The following UBTD1 variants were observed in gnomAD, a reference collection of about 807,000 sequenced individuals.
The protein encoded by UBTD1 is ubiquitin domain-containing protein 1.
In UBTD1, 19 loss-of-function variants were observed where a neutral mutation model predicts 21.7. The observed-to-expected ratio is 0.87, with a 90% CI of 0.61 to 1.28. The LOEUF (loss-of-function observed/expected upper bound fraction) is 1.28. Ranked by LOEUF, UBTD1 falls within the 50% of genes most tolerant of loss-of-function variation. The probability of loss-of-function intolerance (pLI) is 0.00; values close to 1 mark genes in which losing one functional copy is unlikely to be tolerated. For missense variants in UBTD1, 282 were observed against 315.1 expected, an observed-to-expected ratio of 0.89 and a Z score of 0.80; for synonymous variants, 116 against 135.1, an observed-to-expected ratio of 0.86 and a Z score of 0.98.
intron 1 of UBTD1, among the ~76,000 whole-genome samples, chr10:97,536,048 A>G (rs2040559935): frequency 6.7e-6 from 1 of 149,728 alleles, no homozygotes; most frequent in Non-Finnish European, 1.5e-5. Context: ...GCTGGAGTGC[A>G]GTGGTGCGAT....
intron 1 of UBTD1, among the ~76,000 whole-genome samples, chr10:97,514,429 C>G (rs1311548585): frequency 1.3e-4 from 20 of 152,212 alleles, no homozygotes; most frequent in Admixed American, 1.3e-3. Context: ...ATTTCTCCTC[C>G]CCTAGAGTTG....
chr10:97,515,532 C>T (rs981178375), intron 1 of UBTD1, among the ~76,000 whole-genome samples: 1 of 152,180 alleles, frequency 6.6e-6, no homozygotes, highest in African/African-American at 2.4e-5. Flanking sequence ...TATGATAGGG[C>T]TTCATGGAGG....
At chr10:97,556,879 T>C (rs1258905814) in intron 1 of UBTD1, among the ~76,000 whole-genome samples, 1 of 152,256 alleles carries the variant, frequency 6.6e-6, no homozygotes, top group East Asian at 1.9e-4. Flanking sequence ...TTCTGTGTAA[T>C]TGGAACTCCA....
chr10:97,502,874 T>C (rs1243757249), intron 1 of UBTD1, among the ~76,000 whole-genome samples: 2 of 140,592 alleles, frequency 1.4e-5, no homozygotes, highest in African/African-American at 2.7e-5. Flanking sequence ...TACGTATATA[T>C]GTATATATAT....
chr10:97,508,118 A>C (rs1045425275), intron 1 of UBTD1, among the ~76,000 whole-genome samples: 1 of 152,212 alleles, frequency 6.6e-6, no homozygotes, highest in South Asian at 2.1e-4. Context: ...CAACCACCCT[A>C]TGGGTGGATT....
chr10:97,566,738 G>A (rs2040718813), intron 1 of UBTD1, among the ~76,000 whole-genome samples: 1 of 152,172 alleles, frequency 6.6e-6, no homozygotes. Context: ...GCAGCCTGGT[G>A]GTGGCCCCCA....
chr10:97,545,706 C>T (rs1439631252), intron 1 of UBTD1, among the ~76,000 whole-genome samples: 1 of 152,250 alleles, frequency 6.6e-6, no homozygotes, highest in African/African-American at 2.4e-5. Context: ...AATGATGAAG[C>T]TGATGTTCAA....
intron 1 of UBTD1, among the ~76,000 whole-genome samples, chr10:97,520,542 G>A (rs918893409): frequency 2.0e-5 from 3 of 152,186 alleles, no homozygotes; most frequent in African/African-American, 7.2e-5. Context: ...ATAAGGTACT[G>A]GGAGAGAATT....
chr10:97,514,931 T>TAA (rs1216746052), intron 1 of UBTD1, among the ~76,000 whole-genome samples: 16 of 152,166 alleles, frequency 1.1e-4, no homozygotes, highest in African/African-American at 3.9e-4. Context: ...AAGCTGATCC[T>TAA]CTGAGGTTTC....
chr10:97,560,128 C>T lies in UBTD1; in HGVS notation c.71-7786C>T, dbSNP rs2040685500. Among the ~76,000 whole-genome samples, 2 of 151,998 alleles carry T rather than the reference C, an allele frequency of 1.3e-5. 1 individual carries two copies. The highest frequency in any genetic ancestry group is 3.9e-4 in the East Asian group (2 of 5,182). The stretch of plus-strand genomic sequence containing the variant: ...TTTCAACTTTTTGACTTGTTACAAA[C>T]ATTTTTTTTTTCTTTAAACAACCAC... On this transcript the variant is annotated intron_variant, in intron 1 of 2. Coordinates refer to ENST00000370664, the MANE Select transcript of UBTD1 (RefSeq NM_024954.5).
chr10:97,500,717 TG>T (rs1280007573), intron 1 of UBTD1, among the ~76,000 whole-genome samples: 1 of 152,150 alleles, frequency 6.6e-6, no homozygotes, highest in Non-Finnish European at 1.5e-5. Flanking sequence ...CCTTCTAGCT[TG>T]GGGGCACGCT....
rs1328516897 is a variant in UBTD1 at position 97,570,814 on chromosome 10, C to T, written c.*291C>T. ...AGCCACAAGGGCCAACCAGGAGGCCCCTGGAGCCCAGATCTGTCATCTGGT... is the reference window on the plus strand; with the variant it reads ...AGCCACAAGGGCCAACCAGGAGGCCTCTGGAGCCCAGATCTGTCATCTGGT... On this transcript the variant is annotated 3_prime_UTR_variant, in exon 3 of 3. Transcript: ENST00000370664. The surrounding 1 kb of genome is among the most constrained non-coding windows in gnomAD (Gnocchi z 6.6). 2.4e-6 allele frequency: 1 copy of T among 408,642 alleles called. No individual in the cohort carries two copies. The highest frequency in any genetic ancestry group is 2.0e-5 in the African/African-American group (1 of 50,778). The allele number at this position is 408,642 out of a possible 1,614,324, so 25.3% of individuals were successfully genotyped here. A position where few individuals can be genotyped will look rare whatever the true frequency, so the allele number is the denominator to read the frequency against.
chr10:97,545,967 T>C (rs2040608985), intron 1 of UBTD1, among the ~76,000 whole-genome samples: 1 of 152,174 alleles, frequency 6.6e-6, no homozygotes. Flanking sequence ...GTATTTTTAG[T>C]AGAGATGGGG....
chr10:97,499,075 G>GC lies in UBTD1; in HGVS notation c.-124dup. The stretch of plus-strand genomic sequence containing the variant: ...CGGAGCCATCGCTGGGGCTGAGCGC[G>GC]CCCCCGGGGGGAGATCGGGGAGCGC... On this transcript the variant is annotated 5_prime_UTR_variant, in exon 1 of 3. Transcript: ENST00000370664. The GC allele has an allele frequency of 9.4e-7, 1 of 1,059,026 alleles. No individual in the cohort carries two copies. The highest frequency in any genetic ancestry group is 1.3e-6 in the Non-Finnish European group (1 of 762,318). 65.6% of individuals were successfully genotyped at this position (1,059,026 alleles called of 1,614,324 possible).
At chr10:97,562,792 G>A (rs1056189929) in intron 1 of UBTD1, among the ~76,000 whole-genome samples, 1 of 152,154 alleles carries the variant, frequency 6.6e-6, no homozygotes, top group Admixed American at 6.5e-5. Context: ...CCATCTGGAT[G>A]TATATATGTA....
Position 97,570,289 on chromosome 10 carries a change from G to A in UBTD1, c.450G>A (p.Pro150=), listed in dbSNP as rs766330418. 5.6e-6 allele frequency: 9 copies of A among 1,613,008 alleles called. No homozygotes were observed. Among genetic ancestry groups the A allele is most frequent in the African/African-American group, 1.3e-5 (1 of 74,922 alleles). The change falls in exon 3 of 3, where the codon CCG becomes CCA. Residue 150 remains proline, a synonymous_variant. Transcript: ENST00000370664. The surrounding 1 kb of genome is among the most constrained non-coding windows in gnomAD (Gnocchi z 6.6). ...EPPPSVRREF[P]LKVRLSTGKD... ...CACCCAGCGTGCGCCGTGAGTTCCC[G>A]CTGAAGGTGCGCCTGTCCACGGGCA... is the stretch of plus-strand genomic sequence containing the variant.
intron 1 of UBTD1, among the ~76,000 whole-genome samples, chr10:97,546,064 C>T (rs533096007): frequency 5.1e-4 from 78 of 152,268 alleles, no homozygotes; most frequent in Non-Finnish European, 9.9e-4. Flanking sequence ...GGATTACAGG[C>T]GTGAGCCACC....
At chr10:97,546,386 C>T (rs1268746730) in intron 1 of UBTD1, among the ~76,000 whole-genome samples, 3 of 151,792 alleles carry the variant, frequency 2.0e-5, no homozygotes, top group Non-Finnish European at 2.9e-5. Context: ...CTCAGGAGTT[C>T]GAGACCAGCC....
chr10:97,524,649 GAAT>G (rs2040480328), intron 1 of UBTD1, among the ~76,000 whole-genome samples: 1 of 152,244 alleles, frequency 6.6e-6, no homozygotes, highest in African/African-American at 2.4e-5. Context: ...GTGGCTTAAA[GAAT>G]GAGGAGTTTG....
Sources: gnomAD v4.1 joint callset for allele counts (sites outside exome capture counted in the v4.1 genomes callset) on GRCh38, gnomAD v4.1.1 for gene constraint, Gnocchi (gnomAD v3.1) non-coding constraint, MANE v1.5 for transcripts, NCBI Gene and HGNC (gene_info 2026-07-23, HGNC 2026-07-21) for gene names.